The following STXBP5L variants were observed in gnomAD, a reference collection of about 807,000 sequenced individuals.
STXBP5L encodes syntaxin binding protein 5L, also known as syntaxin-binding protein 5-like.
In STXBP5L, 65 loss-of-function variants were observed where a neutral mutation model predicts 144.5. The ratio of observed to expected loss-of-function variants is 0.45; its 90% CI spans 0.37 to 0.55. The LOEUF is 0.55. STXBP5L is among the 20% of genes least tolerant of loss of function. The pLI, the probability that STXBP5L is intolerant of heterozygous loss-of-function variation, is 0.00. For synonymous variants in STXBP5L, 505 were observed against 469.6 expected (o/e 1.08, Z -0.97); for missense variants, 1,298 against 1,405.5 (o/e 0.92, Z 1.22).
rs1479718133 is a variant in STXBP5L, at chr3:121,033,586, AC to A, written c.288-8113del. 6.5e-3 allele frequency among the ~76,000 whole-genome samples: 978 copies of A among 149,502 alleles called. 10 individuals are homozygous for A. Among genetic ancestry groups the A allele is most frequent in the African/African-American group, 0.022 (902 of 40,826 alleles). On this transcript the variant is annotated intron_variant, in intron 3 of 26. Transcript: ENST00000471454. Reference sequence around the variant, plus strand: ...TAAAGTACAATTAAAAAAAAAAAAAACATTAAAAAATAAATAAATAAATAAA... The same window carrying A: ...TAAAGTACAATTAAAAAAAAAAAAAAATTAAAAAATAAATAAATAAATAAA...
intron 11 of STXBP5L, 113 bp from the exon 12 acceptor site, chr3:121,233,503 G>T: frequency 1.6e-6 from 1 of 638,500 alleles, no homozygotes; most frequent in Non-Finnish European, 2.4e-6. Context: ...CTTATAGTTT[G>T]GTCTTCTCAC....
intron 20 of STXBP5L, among the ~76,000 whole-genome samples, chr3:121,344,033 A>G (rs970376135): frequency 6.6e-6 from 1 of 152,106 alleles, no homozygotes; most frequent in Non-Finnish European, 1.5e-5. Context: ...ACAGCATGGT[A>G]CTGGTACCAA....
At chr3:121,053,291 C>G (rs1452963087) in intron 5 of STXBP5L, among the ~76,000 whole-genome samples, 2 of 152,188 alleles carry the variant, frequency 1.3e-5, no homozygotes, top group South Asian at 2.1e-4. Context: ...CAAGTCAATC[C>G]TAAGCCAAAA....
At chr3:121,053,311 C>T (rs1165295617) in intron 5 of STXBP5L, among the ~76,000 whole-genome samples, 10 of 152,066 alleles carry the variant, frequency 6.6e-5, no homozygotes, top group Admixed American at 1.3e-4. Flanking sequence ...AGAACAAAGT[C>T]GGAGGCATCA....
At chr3:120,975,364 G>C (rs1281218680) in intron 3 of STXBP5L, among the ~76,000 whole-genome samples, 1 of 152,150 alleles carries the variant, frequency 6.6e-6, no homozygotes, top group Non-Finnish European at 1.5e-5. Flanking sequence ...TGGTGTATAA[G>C]AATGCTTGTG....
chr3:120,937,087 A>G (rs1162097297), intron 2 of STXBP5L, among the ~76,000 whole-genome samples: 3 of 152,022 alleles, frequency 2.0e-5, no homozygotes, highest in Non-Finnish European at 2.9e-5. Flanking sequence ...AAGGCTGGAG[A>G]TGGCTGGAGG....
chr3:121,275,358 T>C (rs2050849215), intron 18 of STXBP5L, among the ~76,000 whole-genome samples: 1 of 152,192 alleles, frequency 6.6e-6, no homozygotes, highest in Non-Finnish European at 1.5e-5. Context: ...AATATTGAAT[T>C]TTCTAACCAT....
At chr3:121,080,656 C>T (rs188393980) in intron 5 of STXBP5L, among the ~76,000 whole-genome samples, 3 of 152,238 alleles carry the variant, frequency 2.0e-5, no homozygotes, top group East Asian at 1.9e-4. Flanking sequence ...GACCACAATC[C>T]CTTCTGGCTT....
intron 3 of STXBP5L, among the ~76,000 whole-genome samples, chr3:120,993,384 T>C (rs1576600084): frequency 6.6e-6 from 1 of 152,050 alleles, no homozygotes; most frequent in African/African-American, 2.4e-5. Flanking sequence ...AAATCATTTC[T>C]TATACCATGT....
At chr3:120,948,390 A>G (rs1710989018) in intron 2 of STXBP5L, among the ~76,000 whole-genome samples, 1 of 151,568 alleles carries the variant, frequency 6.6e-6, no homozygotes, top group Non-Finnish European at 1.5e-5. Context: ...TTATTTTCCC[A>G]TTCTGTGGAT....
intron 5 of STXBP5L, among the ~76,000 whole-genome samples, chr3:121,045,942 T>C (rs1947489552): frequency 6.6e-6 from 1 of 152,146 alleles, no homozygotes; most frequent in Non-Finnish European, 1.5e-5. Flanking sequence ...TGTCTTGTTT[T>C]GGTTTTCAAG....
chr3:121,315,113 G>C (rs1307966886), intron 19 of STXBP5L, among the ~76,000 whole-genome samples: 1 of 152,114 alleles, frequency 6.6e-6, no homozygotes, highest in East Asian at 1.9e-4. Context: ...AATACCTTTT[G>C]ACCCAGCCAT....
At chr3:121,387,488 G>C (rs1220445363) in intron 22 of STXBP5L, among the ~76,000 whole-genome samples, 1 of 152,160 alleles carries the variant, frequency 6.6e-6, no homozygotes. Flanking sequence ...CCATGCCTAT[G>C]TCCTGAATGG....
rs112921258 is a variant in STXBP5L, at chr3:121,360,907, T to A, written c.2177-17809T>A. The stretch of plus-strand genomic sequence containing the variant: ...TAAGTTTTGTACCTTCAGGTGGTTA[T>A]ATATTGCTCATTAATGTCCTTTTCT... On this transcript the variant is annotated intron_variant, in intron 20 of 26. Transcript: ENST00000471454. Among the ~76,000 whole-genome samples the A allele has an allele frequency of 1.0e-3, 152 of 152,276 alleles. 2 individuals are homozygous for A. Among genetic ancestry groups the A allele is most frequent in the Non-Finnish European group, 1.7e-3 (116 of 67,976 alleles).
intron 5 of STXBP5L, among the ~76,000 whole-genome samples, chr3:121,047,418 G>A (rs759252948): frequency 7.2e-5 from 11 of 152,082 alleles, no homozygotes; most frequent in Non-Finnish European, 1.2e-4. Flanking sequence ...TTAATTTTCT[G>A]ACTGGATGGT....
chr3:121,175,267 G>A (rs536449780), intron 9 of STXBP5L, among the ~76,000 whole-genome samples: 1 of 152,140 alleles, frequency 6.6e-6, no homozygotes, highest in South Asian at 2.1e-4. Context: ...AGAGAAATTT[G>A]AAGGTTTGGT....
At position 121,041,789 on chromosome 3, in the gene STXBP5L, T is replaced by C. The variant is rs1463347191; in HGVS notation, c.369+8T>C. ...CAATTTTTGATCAATGAGGTAAGGATTATTTTTTGACTACTTAAATCACAC... is the reference window on the plus strand; with the variant it reads ...CAATTTTTGATCAATGAGGTAAGGACTATTTTTTGACTACTTAAATCACAC... On this transcript the variant is annotated splice_region_variant and intron_variant, in intron 4 of 26. Coordinates refer to ENST00000471454, the MANE Select transcript of STXBP5L (RefSeq NM_001308330.2). 2 of 1,605,938 alleles carry C rather than the reference T, an allele frequency of 1.2e-6. No individual in the cohort carries two copies.
intron 9 of STXBP5L, among the ~76,000 whole-genome samples, chr3:121,191,681 T>A (rs909497056): frequency 2.6e-5 from 4 of 152,196 alleles, no homozygotes; most frequent in South Asian, 2.1e-4. Flanking sequence ...TTCTTCCATT[T>A]GAAGAATTCT....
chr3:121,034,012 A>C (rs1312703028), intron 3 of STXBP5L, among the ~76,000 whole-genome samples: 2 of 152,112 alleles, frequency 1.3e-5, no homozygotes, highest in Non-Finnish European at 2.9e-5. Flanking sequence ...GTAACTACTA[A>C]AATAGCACTA....
Sources: gnomAD v4.1 joint callset for allele counts (sites outside exome capture counted in the v4.1 genomes callset) on GRCh38, gnomAD v4.1.1 for gene constraint, MANE v1.5 for transcripts, NCBI Gene and HGNC (gene_info 2026-07-23, HGNC 2026-07-21) for gene names.